Variants in PELI1 observed in about 807,000 individuals in gnomAD.
The protein encoded by PELI1 is pellino E3 ubiquitin protein ligase 1.
In PELI1, 15 loss-of-function variants were observed where a neutral mutation model predicts 41.3. The ratio of observed to expected loss-of-function variants is 0.36; its 90% CI spans 0.24 to 0.56. The LOEUF is 0.56. PELI1 is among the 20% of genes least tolerant of loss of function. The pLI is 0.82. For missense variants in PELI1, 403 were observed against 525.5 expected, an observed-to-expected ratio of 0.77 and a Z score of 2.28; for synonymous variants, 178 against 180.1, an observed-to-expected ratio of 0.99 and a Z score of 0.09.
chr2:64,097,548 GA>G (rs1466471779), intron 4 of PELI1, among the ~76,000 whole-genome samples: 2 of 152,240 alleles, frequency 1.3e-5, no homozygotes, highest in East Asian at 3.9e-4. Context: ...ATTTCATTTT[GA>G]AAGTTGAAAG....
chr2:64,127,324 A>C (rs1268136350), intron 1 of PELI1, among the ~76,000 whole-genome samples: 2 of 152,208 alleles, frequency 1.3e-5, no homozygotes, highest in African/African-American at 4.8e-5. Flanking sequence ...GGACTGCTTG[A>C]GCACAGGAGT....
intron 4 of PELI1, among the ~76,000 whole-genome samples, chr2:64,097,221 T>C (rs768463527): frequency 1.3e-5 from 2 of 152,228 alleles, no homozygotes; most frequent in Non-Finnish European, 2.9e-5. Context: ...TCACTCCTTG[T>C]TTTTGGTCAT....
intron 1 of PELI1, among the ~76,000 whole-genome samples, chr2:64,123,506 C>A (rs1016931672): frequency 2.8e-4 from 43 of 152,212 alleles, no homozygotes; most frequent in African/African-American, 9.9e-4. Flanking sequence ...GGTAAAAGAT[C>A]CATTTATTTC....
At chr2:64,110,148 G>A (rs1680757887) in intron 1 of PELI1, among the ~76,000 whole-genome samples, 1 of 150,810 alleles carries the variant, frequency 6.6e-6, no homozygotes, top group Admixed American at 6.7e-5. Context: ...GGAGGCTAAA[G>A]TGGGAGTAAT....
chr2:64,103,757 T>C (rs1195967147), intron 3 of PELI1, among the ~76,000 whole-genome samples: 2 of 152,218 alleles, frequency 1.3e-5, no homozygotes, highest in Admixed American at 6.5e-5. Flanking sequence ...TATGCCAATT[T>C]TTCTGTCTCT....
intron 3 of PELI1, among the ~76,000 whole-genome samples, chr2:64,103,429 C>T (rs1327842723): frequency 6.6e-6 from 1 of 152,034 alleles, no homozygotes; most frequent in African/African-American, 2.4e-5. Context: ...TATAAATGTC[C>T]TGTAGTATGT....
intron 1 of PELI1, among the ~76,000 whole-genome samples, chr2:64,131,777 C>T (rs562310197): frequency 6.6e-6 from 1 of 152,040 alleles, no homozygotes; most frequent in Non-Finnish European, 1.5e-5. Context: ...CACACCACCA[C>T]GCCCAATTAA....
intron 1 of PELI1, among the ~76,000 whole-genome samples, chr2:64,132,521 G>A (rs1053044461): frequency 6.6e-6 from 1 of 152,094 alleles, no homozygotes; most frequent in African/African-American, 2.4e-5. Flanking sequence ...AGTGGGGGAG[G>A]CATCTGAATA....
intron 1 of PELI1, among the ~76,000 whole-genome samples, chr2:64,111,443 T>TA (rs1225269962): frequency 6.6e-6 from 1 of 152,196 alleles, no homozygotes; most frequent in African/African-American, 2.4e-5. Flanking sequence ...AAAATTATTT[T>TA]AAAAAATGCT....
chr2:64,126,535 G>A (rs572236298), intron 1 of PELI1, among the ~76,000 whole-genome samples: 105 of 152,254 alleles, frequency 6.9e-4, no homozygotes, highest in African/African-American at 2.4e-3. Context: ...ATATTACTGA[G>A]CATTCACTAT....
chr2:64,136,722 G>A (rs1176710669), intron 1 of PELI1, among the ~76,000 whole-genome samples: 1 of 152,190 alleles, frequency 6.6e-6, no homozygotes, highest in Admixed American at 6.5e-5. Context: ...TGCCAACATG[G>A]TGAAACCCTG....
intron 1 of PELI1, among the ~76,000 whole-genome samples, chr2:64,132,628 A>C (rs1371200503): frequency 6.6e-6 from 1 of 152,166 alleles, no homozygotes; most frequent in Non-Finnish European, 1.5e-5. Context: ...AAAACAACAA[A>C]ATTAATGGAG....
chr2:64,100,468 G>T lies in PELI1; in HGVS notation c.233C>A (p.Ser78Ter). Residue 78 changes from serine (S) to a stop codon, truncating the protein, a stop_gained, in exon 4 of 7, where the codon TCA becomes TAA. Transcript: ENST00000358912. LOFTEE classifies it high-confidence loss of function. ...AGTCTGGGCCCGAGATAAAGTATAT[G>T]ATATGCTATGCTGGTCTTTGTTGCT... ...AISNKDQHSI[S>*]YTLSRAQTVV... The T allele has an allele frequency of 1.3e-6, 2 of 1,585,052 alleles. No individual in the cohort carries two copies. The highest frequency in any genetic ancestry group is 1.7e-6 in the Non-Finnish European group (2 of 1,153,808).
At chr2:64,136,199 T>G (rs1051785765) in intron 1 of PELI1, among the ~76,000 whole-genome samples, 4 of 152,218 alleles carry the variant, frequency 2.6e-5, no homozygotes, top group African/African-American at 9.7e-5. Flanking sequence ...TGCCACTTTT[T>G]TTTTTTAGAT....
chr2:64,125,835 A>C (rs1413314509), intron 1 of PELI1, among the ~76,000 whole-genome samples: 1 of 152,246 alleles, frequency 6.6e-6, no homozygotes, highest in African/African-American at 2.4e-5. Context: ...TCGTAAGTGG[A>C]AAATTCCACA....
chr2:64,133,574 G>C lies in PELI1; in HGVS notation c.-70+10507C>G, dbSNP rs576140310. Among the ~76,000 whole-genome samples the C allele has an allele frequency of 5.9e-5, 9 of 152,154 alleles. No individual in the cohort carries two copies. The South Asian group carries it at 1.9e-3, about 32-fold the overall frequency. On this transcript the variant is annotated intron_variant, in intron 1 of 6. Transcript: ENST00000358912. ...TGGGTTGGTTCCAAAGAGGGTGTGAGTGATGGAGTTACTGACCTTGTAAAG... is the reference window on the plus strand; with the variant it reads ...TGGGTTGGTTCCAAAGAGGGTGTGACTGATGGAGTTACTGACCTTGTAAAG...
intron 4 of PELI1, 148 bp downstream of exon 4, chr2:64,100,250 T>C: frequency 1.7e-6 from 1 of 577,970 alleles, no homozygotes; most frequent in Non-Finnish European, 3.0e-6. Flanking sequence ...CTAGATTGAC[T>C]TCTATTTATA....
intron 1 of PELI1, among the ~76,000 whole-genome samples, chr2:64,140,407 T>C (rs1045753291): frequency 6.6e-6 from 1 of 152,120 alleles, no homozygotes; most frequent in African/African-American, 2.4e-5. Context: ...TTCTCTGAAG[T>C]GGAGTTTATG....
chr2:64,140,800 C>CA (rs1356897512), intron 1 of PELI1, among the ~76,000 whole-genome samples: 1 of 100,282 alleles, frequency 1.0e-5, no homozygotes, highest in African/African-American at 4.4e-5. Context: ...AAAAAAAAAA[C>CA]AAACAAACAA....
Sources: allele counts gnomAD v4.1 joint callset (sites outside exome capture counted in the v4.1 genomes callset), GRCh38; gene constraint gnomAD v4.1.1; transcripts MANE v1.5; gene names NCBI Gene and HGNC (gene_info 2026-07-23, HGNC 2026-07-21).